SGCZ: variants seen among roughly 807,000 people sequenced by gnomAD.
SGCZ encodes the protein zeta-sarcoglycan.
A neutral mutation model predicts 41.3 loss-of-function variants in SGCZ; 40 were observed. The observed-to-expected ratio is 0.97, with a 90% CI of 0.75 to 1.26. The LOEUF (loss-of-function observed/expected upper bound fraction) is 1.26, where lower values mean the gene tolerates loss of function less well. Among genes scored for constraint, SGCZ ranks in the 50% most tolerant of loss-of-function variants. The probability of loss-of-function intolerance (pLI) is 0.00; values close to 1 mark genes in which losing one functional copy is unlikely to be tolerated. For synonymous variants in SGCZ, 206 were observed against 137.5 expected (o/e 1.50, Z -3.49); for missense variants, 552 against 369.8 (o/e 1.49, Z -4.04).
At position 14,665,970 on chromosome 8, in the gene SGCZ, T is replaced by C. The variant is rs115978622; in HGVS notation, c.40-111044A>G. Reference sequence around the variant, plus strand: ...TCTAATGAAGGGATTTGAGGAAAAATTGAACGTCATCCCACATCCTGGGCA... The same window carrying C: ...TCTAATGAAGGGATTTGAGGAAAAACTGAACGTCATCCCACATCCTGGGCA... On this transcript the variant is annotated intron_variant, in intron 1 of 7. Transcript: ENST00000382080. 4.5e-3 allele frequency among the ~76,000 whole-genome samples: 683 copies of C among 152,274 alleles called. 11 individuals are homozygous for C. Among genetic ancestry groups the C allele is most frequent in the African/African-American group, 0.016 (658 of 41,564 alleles).
chr8:14,339,223 C>G (rs1802612581), intron 2 of SGCZ, among the ~76,000 whole-genome samples: 1 of 152,044 alleles, frequency 6.6e-6, no homozygotes, highest in Non-Finnish European at 1.5e-5. Context: ...TTGTAAACAA[C>G]AGTAATTGTG....
chr8:14,999,553 G>T (rs906807602), intron 1 of SGCZ, among the ~76,000 whole-genome samples: 2 of 152,182 alleles, frequency 1.3e-5, no homozygotes, highest in African/African-American at 4.8e-5. Flanking sequence ...TCGAGAAAAA[G>T]GAGGAAGTGG....
chr8:15,127,883 C>T (rs2116966003), intron 1 of SGCZ, among the ~76,000 whole-genome samples: 1 of 152,258 alleles, frequency 6.6e-6, no homozygotes, highest in East Asian at 1.9e-4. Flanking sequence ...TCAAGCCTTA[C>T]AATCCTTTAA....
intron 1 of SGCZ, among the ~76,000 whole-genome samples, chr8:15,072,890 C>T (rs1805405219): frequency 6.6e-6 from 1 of 152,146 alleles, no homozygotes; most frequent in African/African-American, 2.4e-5. Context: ...AGGATGTTCT[C>T]TCTAGGGTCC....
At chr8:14,446,020 C>A (rs1053229202) in intron 2 of SGCZ, among the ~76,000 whole-genome samples, 15 of 152,046 alleles carry the variant, frequency 9.9e-5, no homozygotes, top group African/African-American at 3.6e-4. Context: ...TGAAGCGAGA[C>A]AAGTAAAAGT....
intron 3 of SGCZ, among the ~76,000 whole-genome samples, chr8:14,304,259 A>C (rs972875436): frequency 6.6e-6 from 1 of 151,922 alleles, no homozygotes; most frequent in South Asian, 2.1e-4. Flanking sequence ...CCTAGGCAAC[A>C]TGGTAAATAC....
At chr8:14,952,362 T>A (rs1317089547) in intron 1 of SGCZ, among the ~76,000 whole-genome samples, 1 of 152,062 alleles carries the variant, frequency 6.6e-6, no homozygotes, top group Non-Finnish European at 1.5e-5. Context: ...ACTTTCATTT[T>A]AGGTTCAGCG....
Position 14,772,036 on chromosome 8 carries a change from G to C in SGCZ, c.40-217110C>G, listed in dbSNP as rs149265433. Among the ~76,000 whole-genome samples the C allele has an allele frequency of 4.4e-3, 676 of 152,202 alleles. 4 individuals carry two copies. The highest frequency in any genetic ancestry group is 0.015 in the African/African-American group (639 of 41,540). On this transcript the variant is annotated intron_variant, in intron 1 of 7. Transcript: ENST00000382080. ...ATGGGGTGAAAGTGATACGTGTTCAGTAGAAACTGTACTTTGAGCATCCAT... is the reference window on the plus strand; with the variant it reads ...ATGGGGTGAAAGTGATACGTGTTCACTAGAAACTGTACTTTGAGCATCCAT...
At chr8:15,066,018 T>C (rs1295709150) in intron 1 of SGCZ, among the ~76,000 whole-genome samples, 3 of 152,198 alleles carry the variant, frequency 2.0e-5, no homozygotes, top group Admixed American at 2.0e-4. Context: ...GCCTTAGAAG[T>C]CCACCTTGGG....
intron 3 of SGCZ, among the ~76,000 whole-genome samples, chr8:14,317,884 G>C (rs17231453): frequency 0.15 from 22,772 of 151,404 alleles, 2,187 homozygotes; most frequent in Non-Finnish European, 0.23. Context: ...CTTCACAACG[G>C]ATTATTAAGT....
At chr8:15,173,796 G>T (rs953697258) in intron 1 of SGCZ, among the ~76,000 whole-genome samples, 4 of 152,182 alleles carry the variant, frequency 2.6e-5, no homozygotes, top group African/African-American at 9.7e-5. Context: ...CTGAAATGCA[G>T]TGGTGTGATC....
chr8:15,008,137 C>T (rs376960362), intron 1 of SGCZ, among the ~76,000 whole-genome samples: 71 of 152,196 alleles, frequency 4.7e-4, no homozygotes, highest in African/African-American at 1.6e-3. Context: ...AGGATATTAT[C>T]CCATTTTCTC....
chr8:14,383,867 G>A (rs754707685), intron 2 of SGCZ, among the ~76,000 whole-genome samples: 1 of 152,090 alleles, frequency 6.6e-6, no homozygotes, highest in African/African-American at 2.4e-5. Flanking sequence ...AGGAAGAGTG[G>A]AGAAACTACA....
chr8:14,268,379 G>C (rs1035080709), intron 3 of SGCZ, among the ~76,000 whole-genome samples: 52 of 150,772 alleles, frequency 3.4e-4, no homozygotes, highest in African/African-American at 1.0e-3. Flanking sequence ...ATTCTCTGCA[G>C]TGTCTTTAAC....
chr8:14,187,272 C>G (rs1233318372), intron 4 of SGCZ, among the ~76,000 whole-genome samples: 1 of 152,060 alleles, frequency 6.6e-6, no homozygotes, highest in Non-Finnish European at 1.5e-5. Context: ...AAATATGTTA[C>G]CTAAATTTTC....
At chr8:14,474,274 G>T (rs994496970) in intron 2 of SGCZ, among the ~76,000 whole-genome samples, 3 of 152,156 alleles carry the variant, frequency 2.0e-5, no homozygotes, top group African/African-American at 7.2e-5. Context: ...CATACCAAAT[G>T]ATATGCATAT....
intron 2 of SGCZ, among the ~76,000 whole-genome samples, chr8:14,464,825 GATTTT>G (rs1471151127): frequency 6.6e-6 from 1 of 151,138 alleles, no homozygotes; most frequent in Non-Finnish European, 1.5e-5. Flanking sequence ...TATCCCTTGT[GATTTT>G]ATCTTTTGAT....
intron 2 of SGCZ, among the ~76,000 whole-genome samples, chr8:14,353,799 C>A (rs915909638): frequency 5.9e-5 from 9 of 151,938 alleles, no homozygotes; most frequent in Admixed American, 3.9e-4. Context: ...AAATGTTCTC[C>A]TAGAGACCTA....
At chr8:14,649,831 G>A (rs1387897796) in intron 1 of SGCZ, among the ~76,000 whole-genome samples, 3 of 152,054 alleles carry the variant, frequency 2.0e-5, no homozygotes, top group Non-Finnish European at 4.4e-5. Context: ...GCAGGGCAAA[G>A]GCACACACCT....
Sources: allele counts gnomAD v4.1 joint callset (sites outside exome capture counted in the v4.1 genomes callset), GRCh38; gene constraint gnomAD v4.1.1; transcripts MANE v1.5; gene names NCBI Gene and HGNC (gene_info 2026-07-23, HGNC 2026-07-21).